The following DLG2 variants were observed in gnomAD, a reference collection of about 807,000 sequenced individuals.
DLG2 encodes the protein discs large MAGUK scaffold protein 2, also known as disks large homolog 2.
DLG2 carries 45 observed loss-of-function variants against 132.5 expected under a neutral mutation model. The observed-to-expected ratio is 0.34, with a 90% CI of 0.27 to 0.44. The LOEUF (loss-of-function observed/expected upper bound fraction) is 0.44. Ranked by LOEUF, DLG2 falls within the 20% of genes least tolerant of loss-of-function variation. DLG2 has a pLI of 1.00. For missense variants in DLG2, 1,045 were observed against 1,196.9 expected (o/e 0.87, Z 1.87); for synonymous variants, 424 against 419.6 (o/e 1.01, Z -0.13).
chr11:83,968,749 G>C (rs1459272641), intron 12 of DLG2, among the ~76,000 whole-genome samples: 1 of 152,142 alleles, frequency 6.6e-6, no homozygotes, highest in Non-Finnish European at 1.5e-5. Context: ...AGAATTCAAA[G>C]CTAGACAGTT....
At chr11:84,084,021 G>A (rs1158991567) in intron 10 of DLG2, among the ~76,000 whole-genome samples, 4 of 152,072 alleles carry the variant, frequency 2.6e-5, no homozygotes, top group African/African-American at 4.8e-5. Flanking sequence ...CCAGAGGGCC[G>A]CAGTTCACTC....
intron 6 of DLG2, among the ~76,000 whole-genome samples, chr11:84,755,070 T>C (rs2066677335): frequency 6.6e-6 from 1 of 152,198 alleles, no homozygotes; most frequent in African/African-American, 2.4e-5. Context: ...AACATATCTT[T>C]TACTATCATA....
intron 8 of DLG2, among the ~76,000 whole-genome samples, chr11:84,197,036 C>CAAAAAAAAAAAAAA (rs60877284): frequency 1.1e-5 from 1 of 87,936 alleles, no homozygotes; most frequent in African/African-American, 4.4e-5. Flanking sequence ...GACTCTTTCT[C>CAAAAAAAAAAAAAA]AAAAAAAAAA....
At chr11:84,152,937 A>C (rs1161901028) in intron 9 of DLG2, among the ~76,000 whole-genome samples, 1 of 152,160 alleles carries the variant, frequency 6.6e-6, no homozygotes, top group Non-Finnish European at 1.5e-5. Context: ...GTTGCCCTAT[A>C]GGGTCTGTGC....
intron 6 of DLG2, among the ~76,000 whole-genome samples, chr11:84,602,244 A>G (rs529506012): frequency 4.0e-5 from 6 of 151,864 alleles, no homozygotes; most frequent in Admixed American, 6.6e-5. Context: ...TAAAATCAAT[A>G]CTTTGCATGC....
chr11:84,491,529 G>C (rs970740437), intron 7 of DLG2, among the ~76,000 whole-genome samples: 12 of 152,116 alleles, frequency 7.9e-5, no homozygotes, highest in African/African-American at 2.9e-4. Flanking sequence ...CAAGATGGAC[G>C]CATTTTCTAG....
intron 3 of DLG2, among the ~76,000 whole-genome samples, chr11:85,541,223 A>C (rs1321533598): frequency 1.3e-5 from 2 of 152,216 alleles, no homozygotes; most frequent in African/African-American, 2.4e-5. Flanking sequence ...GATTCAAAAA[A>C]TAATTATTGA....
intron 7 of DLG2, among the ~76,000 whole-genome samples, chr11:84,337,158 C>A (rs577758010): frequency 6.6e-6 from 1 of 152,052 alleles, no homozygotes. Flanking sequence ...TATAAAATTA[C>A]GTTATGGGCT....
At chr11:84,366,486 A>G (rs908884908) in intron 7 of DLG2, among the ~76,000 whole-genome samples, 4 of 152,056 alleles carry the variant, frequency 2.6e-5, no homozygotes, top group African/African-American at 9.7e-5. Context: ...ATGTAAATGG[A>G]CTAAATGCTC....
intron 6 of DLG2, among the ~76,000 whole-genome samples, chr11:84,643,464 A>T (rs991125550): frequency 6.6e-6 from 1 of 152,174 alleles, no homozygotes; most frequent in Non-Finnish European, 1.5e-5. Context: ...CACCTGCAAT[A>T]CTAAGGGACC....
At chr11:84,608,104 C>G (rs2099589008) in intron 6 of DLG2, among the ~76,000 whole-genome samples, 1 of 152,144 alleles carries the variant, frequency 6.6e-6, no homozygotes, top group Non-Finnish European at 1.5e-5. Context: ...CAGTGAGCAA[C>G]AGGAGACTGT....
intron 5 of DLG2, among the ~76,000 whole-genome samples, chr11:85,126,266 A>C (rs2075099411): frequency 6.6e-6 from 1 of 152,194 alleles, no homozygotes; most frequent in African/African-American, 2.4e-5. Flanking sequence ...AAAGAAGATA[A>C]GACATGAGAG....
intron 8 of DLG2, among the ~76,000 whole-genome samples, chr11:84,223,077 T>C (rs1297657868): frequency 6.6e-6 from 1 of 152,204 alleles, no homozygotes; most frequent in Non-Finnish European, 1.5e-5. Flanking sequence ...GGATCTATTA[T>C]TGTTCAGCTC....
intron 19 of DLG2, among the ~76,000 whole-genome samples, chr11:83,560,878 T>C (rs1453420132): frequency 6.6e-6 from 1 of 152,176 alleles, no homozygotes; most frequent in Non-Finnish European, 1.5e-5. Context: ...CTCACATTGC[T>C]ATAAGGAAAT....
intron 11 of DLG2, among the ~76,000 whole-genome samples, chr11:84,016,681 G>A (rs1286184710): frequency 2.0e-5 from 3 of 151,850 alleles, no homozygotes; most frequent in Non-Finnish European, 2.9e-5. Context: ...CTTATTTCTG[G>A]GTTCTCTATT....
At chr11:85,460,010 A>G (rs1022804541) in intron 3 of DLG2, among the ~76,000 whole-genome samples, 1 of 152,168 alleles carries the variant, frequency 6.6e-6, no homozygotes, top group Non-Finnish European at 1.5e-5. Context: ...GCAGGGGCTG[A>G]CAGACGACAA....
At chr11:83,767,615 T>C (rs1297019808) in intron 18 of DLG2, among the ~76,000 whole-genome samples, 1 of 152,254 alleles carries the variant, frequency 6.6e-6, no homozygotes, top group African/African-American at 2.4e-5. Context: ...TGAGCCTTTC[T>C]GTGCCTTTGT....
chr11:83,455,775 A>G lies in DLG2; in HGVS notation c.*4043T>C, dbSNP rs746437755. 1 of 152,624 alleles carries G rather than the reference A, an allele frequency of 6.6e-6. No homozygotes were observed. The highest frequency in any genetic ancestry group is 1.5e-5 in the Non-Finnish European group (1 of 68,038). The allele number at this position is 152,624 out of a possible 1,614,324, so 9.5% of individuals were successfully genotyped here. On this transcript the variant is annotated 3_prime_UTR_variant, in exon 28 of 28. Transcript: ENST00000376104. ...CACAGAAGTAAAATGTATATCACAG[A>G]ATTCTGTAGGGAGTCCCCTGGCAAG...
intron 18 of DLG2, among the ~76,000 whole-genome samples, chr11:83,778,931 T>C (rs1260589698): frequency 6.6e-6 from 1 of 152,104 alleles, no homozygotes; most frequent in Non-Finnish European, 1.5e-5. Flanking sequence ...TGAAGAGACT[T>C]CCTGGGAAGT....
Sources: allele counts gnomAD v4.1 joint callset (sites outside exome capture counted in the v4.1 genomes callset), GRCh38; gene constraint gnomAD v4.1.1; transcripts MANE v1.5; gene names NCBI Gene and HGNC (gene_info 2026-07-23, HGNC 2026-07-21).